Variants in PTPN11 observed in about 807,000 individuals in gnomAD.
PTPN11 encodes the protein protein tyrosine phosphatase non-receptor type 11, also known as tyrosine-protein phosphatase non-receptor type 11.
PTPN11 carries 6 observed loss-of-function variants against 78.8 expected under a neutral mutation model. The ratio of observed to expected loss-of-function variants is 0.08; its 90% CI spans 0.04 to 0.15. PTPN11 has a LOEUF of 0.15. PTPN11 is among the 10% of genes least tolerant of loss of function. PTPN11 has a pLI of 1.00. For synonymous variants in PTPN11, 221 were observed against 263.5 expected (o/e 0.84, Z 1.56); for missense variants, 386 against 744.8 (o/e 0.52, Z 5.61).
chr12:112,478,896 C>A (rs1429083337), intron 9 of PTPN11, among the ~76,000 whole-genome samples: 1 of 152,104 alleles, frequency 6.6e-6, no homozygotes, highest in Non-Finnish European at 1.5e-5. Context: ...CCACGCCTGG[C>A]TAATTTTTGT....
At chr12:112,450,569 G>A in intron 3 of PTPN11, 57 bp downstream of exon 3, 1 of 1,509,268 alleles carries the variant, frequency 6.6e-7, no homozygotes, top group South Asian at 1.1e-5. Flanking sequence ...CTGAGTGTCA[G>A]AAATGCATGA....
chr12:112,431,492 A>G (rs916932415), intron 1 of PTPN11, among the ~76,000 whole-genome samples: 2 of 152,190 alleles, frequency 1.3e-5, no homozygotes, highest in Non-Finnish European at 1.5e-5. Context: ...ATTAGATGCT[A>G]TATTGCCATG....
chr12:112,487,718 A>G (rs78977394), intron 11 of PTPN11, among the ~76,000 whole-genome samples: 2,250 of 152,286 alleles, frequency 0.015, 60 homozygotes, highest in African/African-American at 0.052. Context: ...GCCTCTGAGC[A>G]CAATGTTTTT....
intron 7 of PTPN11, among the ~76,000 whole-genome samples, chr12:112,474,374 C>T (rs1227984272): frequency 1.3e-5 from 2 of 151,886 alleles, no homozygotes; most frequent in Non-Finnish European, 2.9e-5. Flanking sequence ...AAACAAAAAA[C>T]GATTTAAAAA....
At chr12:112,486,350 C>G in intron 10 of PTPN11, 125 bp from the exon 11 acceptor site, 1 of 1,008,452 alleles carries the variant, frequency 9.9e-7, no homozygotes. Flanking sequence ...ACGAAGAGGA[C>G]CTTTCAGTGG....
At chr12:112,430,212 G>A (rs1379492535) in intron 1 of PTPN11, among the ~76,000 whole-genome samples, 1 of 151,890 alleles carries the variant, frequency 6.6e-6, no homozygotes, top group Non-Finnish European at 1.5e-5. Context: ...GTAGAGATGG[G>A]GCTGGTCTTG....
chr12:112,498,106 TTG>T (rs2038833949), intron 13 of PTPN11, among the ~76,000 whole-genome samples: 1 of 151,988 alleles, frequency 6.6e-6, no homozygotes, highest in South Asian at 2.1e-4. Context: ...TGAGCCGAGA[TTG>T]TGCCACTGCA....
intron 1 of PTPN11, among the ~76,000 whole-genome samples, chr12:112,437,793 TC>T (rs2037817595): frequency 6.6e-6 from 1 of 152,142 alleles, no homozygotes; most frequent in Admixed American, 6.5e-5. Flanking sequence ...GTGCGGTAGT[TC>T]CTTAATTGTT....
At position 112,499,321 on chromosome 12, in the gene PTPN11, A is replaced by G. The variant is rs1415950914; in HGVS notation, c.1600-2823A>G. On this transcript the variant is annotated intron_variant, in intron 13 of 15. Coordinates refer to ENST00000351677, the MANE Select transcript of PTPN11 (RefSeq NM_002834.5). ...ATTTTTAAACCTCAGGATAAGTTTT[A>G]TTTTTTAAAAAATTTATTTTTTATT... 2.6e-5 allele frequency among the ~76,000 whole-genome samples: 4 copies of G among 151,916 alleles called. 1 individual carries two copies. The highest frequency in any genetic ancestry group is 3.9e-4 in the East Asian group (2 of 5,186).
intron 1 of PTPN11, among the ~76,000 whole-genome samples, chr12:112,431,462 G>T (rs2037711201): frequency 6.6e-6 from 1 of 152,094 alleles, no homozygotes. Context: ...CCTTCAACCT[G>T]GTGACTGTAG....
chr12:112,441,862 C>T (rs951072320), intron 1 of PTPN11, among the ~76,000 whole-genome samples: 10 of 151,592 alleles, frequency 6.6e-5, no homozygotes, highest in Admixed American at 2.6e-4. Context: ...CTGCAAGCTC[C>T]GCCTACTGGG....
chr12:112,477,998 G>C lies in PTPN11; in HGVS notation c.1075G>C (p.Glu359Gln). ...NSRVIVMTTK[E>Q]VERGKSKCVK... ...CCGAGTGATTGTCATGACAACGAAA[G>C]AAGTGGAGAGAGGAAAGGTAAATCA... The change falls in exon 9 of 16, where the codon GAA (glutamate) becomes CAA (glutamine). Residue 359 changes from glutamate to glutamine, a missense_variant. By Grantham distance (29) the Glu-to-Gln change is conservative (BLOSUM62 2). Around this residue, in one of 3 missense-constraint regions of PTPN11, gnomAD observed 279 missense variants for 503.3 expected, o/e 0.55. Transcript: ENST00000351677. The C allele has an allele frequency of 1.2e-6, 2 of 1,614,088 alleles. No individual in the cohort carries two copies. Among genetic ancestry groups the C allele is most frequent in the Non-Finnish European group, 1.7e-6 (2 of 1,179,962 alleles).
rs1029237072 is a variant in PTPN11, at chr12:112,505,997, A to G, written c.*205A>G. ...TTAACTCAACAATACCTGCTTCCCA[A>G]TTACTCATTTCCTCAGATAAGAAGA... On this transcript the variant is annotated 3_prime_UTR_variant, in exon 16 of 16. Transcript: ENST00000351677. The G allele has an allele frequency of 1.3e-4, 20 of 152,398 alleles. No homozygotes were observed. Among genetic ancestry groups the G allele is most frequent in the African/African-American group, 4.1e-4 (17 of 41,456 alleles). The allele number at this position is 152,398 out of a possible 1,614,324, so 9.4% of individuals were successfully genotyped here. A position where few individuals can be genotyped will look rare whatever the true frequency, so the allele number is the denominator to read the frequency against.
chr12:112,436,556 T>G (rs1432908764), intron 1 of PTPN11, among the ~76,000 whole-genome samples: 1 of 152,228 alleles, frequency 6.6e-6, no homozygotes, highest in Non-Finnish European at 1.5e-5. Flanking sequence ...TTCAGAAGCA[T>G]TTTCCTGATA....
intron 9 of PTPN11, among the ~76,000 whole-genome samples, chr12:112,480,161 T>C (rs2038573369): frequency 6.6e-6 from 1 of 152,184 alleles, no homozygotes; most frequent in African/African-American, 2.4e-5. Context: ...GATTTAATTT[T>C]ATATTCTCTG....
In PTPN11 at chr12:112,446,723, A is replaced by G. The variant is rs2037999426; in HGVS notation, c.137+325A>G. Among the ~76,000 whole-genome samples, 3 of 152,164 alleles carry G rather than the reference A, an allele frequency of 2.0e-5. No homozygotes were observed. In the South Asian group the frequency reaches 6.2e-4, roughly 32 times the overall value. ...TTTCCTTCCTGTTGATTTATTTAAA[A>G]ATTTTATTTCTTTTCAATTTTTTTT... is the stretch of plus-strand genomic sequence containing the variant. On this transcript the variant is annotated intron_variant, in intron 2 of 15. Coordinates refer to ENST00000351677, the MANE Select transcript of PTPN11 (RefSeq NM_002834.5).
intron 13 of PTPN11, among the ~76,000 whole-genome samples, chr12:112,498,612 G>T (rs1420741162): frequency 6.6e-6 from 1 of 152,160 alleles, no homozygotes; most frequent in African/African-American, 2.4e-5. Context: ...GTGTCAGTTG[G>T]CAAGGCCATA....
chr12:112,490,711 T>G (rs980903543), intron 13 of PTPN11, among the ~76,000 whole-genome samples: 6 of 152,296 alleles, frequency 3.9e-5, no homozygotes, highest in Non-Finnish European at 5.9e-5. Context: ...GTTTCCAAAG[T>G]GCTGGGATTA....
chr12:112,454,818 CTTTTTTT>C (rs753974743), intron 5 of PTPN11, 138 bp downstream of exon 5: 9 of 474,814 alleles, frequency 1.9e-5, no homozygotes, highest in East Asian at 9.2e-5. Context: ...ACTATCAAAT[CTTTTTTT>C]TTTTTTTTTT....
Sources: allele counts gnomAD v4.1 joint callset (sites outside exome capture counted in the v4.1 genomes callset), GRCh38; gene constraint gnomAD v4.1.1; regional missense constraint gnomAD v4.1.1; transcripts MANE v1.5; gene names NCBI Gene and HGNC (gene_info 2026-07-23, HGNC 2026-07-21).